The following NAALADL2 variants were observed in gnomAD, a reference collection of about 807,000 sequenced individuals.
NAALADL2 encodes the protein N-acetylated alpha-linked acidic dipeptidase like 2.
In NAALADL2, 76 loss-of-function variants were observed where a neutral mutation model predicts 87.2. The observed-to-expected ratio is 0.87, with a 90% CI of 0.72 to 1.05. The LOEUF is 1.05. Among genes scored for constraint, NAALADL2 ranks in the 50% least tolerant of loss-of-function variants. NAALADL2 has a pLI of 0.00. For missense variants in NAALADL2, 1,089 were observed against 945.8 expected, an observed-to-expected ratio of 1.15 and a Z score of -1.99; for synonymous variants, 354 against 331.0, an observed-to-expected ratio of 1.07 and a Z score of -0.75.
At chr3:174,747,871 T>C (rs1409645120) in intron 3 of NAALADL2, among the ~76,000 whole-genome samples, 1 of 152,178 alleles carries the variant, frequency 6.6e-6, no homozygotes, top group African/African-American at 2.4e-5. Flanking sequence ...TGCATGTTCA[T>C]TGCAGCACTA....
chr3:174,854,827 T>C (rs554208887), upstream of NAALADL2, among the ~76,000 whole-genome samples: 2 of 141,260 alleles, frequency 1.4e-5, no homozygotes, highest in South Asian at 4.5e-4. Context: ...TGTGCTTTGC[T>C]TTTTTTTCTT....
chr3:174,756,973 C>T (rs576601288), intron 3 of NAALADL2, among the ~76,000 whole-genome samples: 2 of 152,178 alleles, frequency 1.3e-5, no homozygotes, highest in African/African-American at 4.8e-5. Flanking sequence ...CAAAACAAAA[C>T]AAAACCTCAC....
chr3:174,611,237 G>A (rs1420154824), intron 2 of NAALADL2, among the ~76,000 whole-genome samples: 3 of 151,728 alleles, frequency 2.0e-5, no homozygotes, highest in Admixed American at 2.0e-4. Context: ...AATGGGTGCA[G>A]CACACCAGTA....
intron 3 of NAALADL2, among the ~76,000 whole-genome samples, chr3:174,801,206 A>C (rs1032560446): frequency 2.0e-5 from 3 of 152,130 alleles, no homozygotes; most frequent in Non-Finnish European, 4.4e-5. Flanking sequence ...TCCCCACCCA[A>C]ATCTCTTCTG....
chr3:175,536,937 G>A (rs1560721035), intron 9 of NAALADL2, among the ~76,000 whole-genome samples: 1 of 152,130 alleles, frequency 6.6e-6, no homozygotes, highest in African/African-American at 2.4e-5. Flanking sequence ...AGCAGAGATC[G>A]CGCCACTGCG....
chr3:175,423,053 T>A (rs55773833), intron 5 of NAALADL2, among the ~76,000 whole-genome samples: 10,854 of 92,948 alleles, frequency 0.12, 440 homozygotes, highest in African/African-American at 0.14. Context: ...ATATATATAT[T>A]TTTTTTTTTT....
At chr3:174,781,326 G>C (rs768487828) in intron 3 of NAALADL2, among the ~76,000 whole-genome samples, 14 of 151,938 alleles carry the variant, frequency 9.2e-5, no homozygotes, top group Middle Eastern at 3.4e-3. Context: ...ATGTTGGCCT[G>C]TCTTGCTAGA....
intron 8 of NAALADL2, among the ~76,000 whole-genome samples, chr3:175,469,561 T>A (rs543027097): frequency 6.6e-6 from 1 of 152,230 alleles, no homozygotes; most frequent in Non-Finnish European, 1.5e-5. Flanking sequence ...GATTCAATAC[T>A]GATCTTGATC....
intron 1 of NAALADL2, among the ~76,000 whole-genome samples, chr3:174,890,712 A>G (rs562678916): frequency 1.3e-5 from 2 of 152,308 alleles, no homozygotes; most frequent in Admixed American, 6.5e-5. Flanking sequence ...AATCATTAAC[A>G]TATGCATAAT....
At chr3:175,789,972 G>A (rs1190273808) in intron 13 of NAALADL2, among the ~76,000 whole-genome samples, 2 of 152,096 alleles carry the variant, frequency 1.3e-5, no homozygotes, top group African/African-American at 4.8e-5. Context: ...AGTGACAACA[G>A]AGTCTAGAGC....
chr3:174,471,707 C>A (rs904558455), intron 1 of NAALADL2, among the ~76,000 whole-genome samples: 10 of 151,962 alleles, frequency 6.6e-5, no homozygotes, highest in African/African-American at 2.2e-4. Context: ...GTTGCTTTAA[C>A]TTTGTATGCC....
intron 1 of NAALADL2, among the ~76,000 whole-genome samples, chr3:175,043,711 T>C (rs999854810): frequency 2.0e-5 from 3 of 152,182 alleles, no homozygotes; most frequent in Non-Finnish European, 2.9e-5. Flanking sequence ...ATTTCTGGGC[T>C]CTCATTTCTC....
intron 1 of NAALADL2, among the ~76,000 whole-genome samples, chr3:174,928,370 C>T (rs916060818): frequency 1.1e-4 from 16 of 152,150 alleles, no homozygotes; most frequent in Middle Eastern, 3.4e-3. Context: ...CTCTCGAGTA[C>T]CTGGGATTAC....
chr3:175,131,702 C>T (rs887206332), intron 2 of NAALADL2, among the ~76,000 whole-genome samples: 1 of 151,954 alleles, frequency 6.6e-6, no homozygotes, highest in African/African-American at 2.4e-5. Flanking sequence ...GGTCTCCTCA[C>T]TTCCCAGTAG....
chr3:174,480,827 C>T (rs746093707), intron 1 of NAALADL2, among the ~76,000 whole-genome samples: 8 of 152,104 alleles, frequency 5.3e-5, no homozygotes, highest in Non-Finnish European at 1.2e-4. Flanking sequence ...CCAGGCAATT[C>T]CAACTAAAGT....
chr3:175,066,284 C>T (rs1049770037), intron 1 of NAALADL2, among the ~76,000 whole-genome samples: 1 of 152,146 alleles, frequency 6.6e-6, no homozygotes, highest in African/African-American at 2.4e-5. Context: ...CTGTCACCTT[C>T]TCTGAGGAGC....
intron 9 of NAALADL2, among the ~76,000 whole-genome samples, chr3:175,476,899 T>C (rs1725774772): frequency 6.6e-6 from 1 of 152,182 alleles, no homozygotes; most frequent in Admixed American, 6.6e-5. Context: ...ATTTACATAT[T>C]CTGGAATAAT....
intron 11 of NAALADL2, among the ~76,000 whole-genome samples, chr3:175,702,136 C>T (rs758905696): frequency 1.4e-4 from 21 of 151,990 alleles, no homozygotes; most frequent in Non-Finnish European, 2.8e-4. Flanking sequence ...TAACACATGG[C>T]GTTATAAAAT....
In NAALADL2 at chr3:175,295,718, AACAC is replaced by A. The variant is rs58935758; in HGVS notation, c.940-28432_940-28429del. Among the ~76,000 whole-genome samples, 396 of 143,756 alleles carry A rather than the reference AACAC, an allele frequency of 2.8e-3. 2 individuals are homozygous for A. Among genetic ancestry groups the A allele is most frequent in the Middle Eastern group, 0.014 (4 of 284 alleles). 94.3% of individuals were successfully genotyped at this position (143,756 alleles called of 152,430 possible). On this transcript the variant is annotated intron_variant, in intron 4 of 13. Transcript: ENST00000454872. ...AAATCTTTTGATACACATGCACACAAACACACACACACACACACACACACACACT... is the reference window on the plus strand; with the variant it reads ...AAATCTTTTGATACACATGCACACAAACACACACACACACACACACACACT...
Sources: allele counts gnomAD v4.1 joint callset (sites outside exome capture counted in the v4.1 genomes callset), GRCh38; gene constraint gnomAD v4.1.1; transcripts MANE v1.5; gene names NCBI Gene and HGNC (gene_info 2026-07-23, HGNC 2026-07-21).